CRACD: variants seen among roughly 807,000 people sequenced by gnomAD.
The protein encoded by CRACD is capping protein inhibiting regulator of actin dynamics.
Under a neutral mutation model 106.8 loss-of-function variants are expected in CRACD, and 56 were observed. The ratio of observed to expected loss-of-function variants is 0.52; its 90% CI spans 0.42 to 0.66. CRACD has a LOEUF of 0.66. Ranked by LOEUF, CRACD falls within the 30% of genes least tolerant of loss-of-function variation. The pLI is 0.00. For missense variants in CRACD, 1,730 were observed against 1,623.2 expected (o/e 1.07, Z -1.13); for synonymous variants, 754 against 670.8 (o/e 1.12, Z -1.92).
intron 1 of CRACD, among the ~76,000 whole-genome samples, chr4:56,140,958 T>C (rs1735174818): frequency 6.6e-6 from 1 of 152,158 alleles, no homozygotes; most frequent in African/African-American, 2.4e-5. Flanking sequence ...GATGAATGAA[T>C]GAGAGAATCA....
At chr4:56,295,650 A>T (rs949448831) in intron 3 of CRACD, among the ~76,000 whole-genome samples, 1 of 137,270 alleles carries the variant, frequency 7.3e-6, no homozygotes, top group East Asian at 2.3e-4. Context: ...AACTGTGAGA[A>T]ATTAGTAAAC....
chr4:56,182,901 G>A (rs369788114), intron 2 of CRACD, among the ~76,000 whole-genome samples: 1 of 140,804 alleles, frequency 7.1e-6, no homozygotes, highest in African/African-American at 2.6e-5. Flanking sequence ...GTGTGTGTGT[G>A]TATGGCTCCC....
chr4:56,069,712 G>T (rs1335826438), intron 1 of CRACD, among the ~76,000 whole-genome samples: 4 of 152,174 alleles, frequency 2.6e-5, no homozygotes, highest in Admixed American at 6.5e-5. Context: ...CCTTTGTCCT[G>T]TTAAAGAATG....
chr4:56,219,117 C>A (rs929151920), intron 2 of CRACD, among the ~76,000 whole-genome samples: 8 of 152,158 alleles, frequency 5.3e-5, no homozygotes, highest in African/African-American at 1.7e-4. Flanking sequence ...TCTTCCCCAA[C>A]CCCCAGTTCT....
At chr4:56,288,340 C>G in intron 3 of CRACD, 1 of 303,882 alleles carries the variant, frequency 3.3e-6, no homozygotes, top group Non-Finnish European at 6.5e-6. Flanking sequence ...ATCCAGTCAC[C>G]CAGATAGTGA....
intron 2 of CRACD, among the ~76,000 whole-genome samples, chr4:56,255,783 T>C (rs555043300): frequency 6.6e-6 from 1 of 152,232 alleles, no homozygotes; most frequent in African/African-American, 2.4e-5. Context: ...AAAAGCATCA[T>C]GTCTGGTGGC....
At chr4:56,306,601 A>G (rs571376658) in intron 4 of CRACD, among the ~76,000 whole-genome samples, 8 of 152,202 alleles carry the variant, frequency 5.3e-5, no homozygotes, top group Non-Finnish European at 8.8e-5. Context: ...TATGTAACCC[A>G]AGGACCTAGG....
At chr4:56,322,384 A>G (rs1746158070) in intron 8 of CRACD, among the ~76,000 whole-genome samples, 1 of 152,248 alleles carries the variant, frequency 6.6e-6, no homozygotes, top group Non-Finnish European at 1.5e-5. Context: ...TTTAGAGCCT[A>G]GTACTCAACC....
At chr4:56,290,841 G>T (rs1009343749) in intron 3 of CRACD, among the ~76,000 whole-genome samples, 9 of 152,164 alleles carry the variant, frequency 5.9e-5, no homozygotes, top group African/African-American at 2.2e-4. Context: ...GCCTCTGTAA[G>T]TCGGGGCTGT....
chr4:56,259,853 T>C (rs1458567129), intron 2 of CRACD, among the ~76,000 whole-genome samples: 3 of 152,086 alleles, frequency 2.0e-5, no homozygotes, highest in Non-Finnish European at 4.4e-5. Context: ...GGAAGTGAGG[T>C]AGAGCATGTC....
chr4:56,315,217 A>C lies in CRACD; in HGVS notation c.1715A>C (p.Glu572Ala). ...ACGGGGCTCACCGCTGCTCCCCAGG[A>C]ACCAAAGGCCCCCAAAGCCAGCCCA... ...KDTGLTAAPQEPKAPKASPVQ... is the reference protein window; with the variant it reads ...KDTGLTAAPQAPKAPKASPVQ... The change falls in exon 8 of 11, where the codon GAA becomes GCA. Residue 572 changes from glutamate (E) to alanine (A), a missense_variant. Physicochemically the swap from Glu to Ala is moderately radical, Grantham distance 107. Around this residue, in one of 5 missense-constraint regions of CRACD, gnomAD observed 1,620 missense variants for 1,481.6 expected, o/e 1.09. Transcript: ENST00000682029. The surrounding 1 kb of genome is among the most constrained non-coding windows in gnomAD (Gnocchi z 4.1). 6.3e-7 allele frequency: 1 copy of C among 1,594,820 alleles called. No homozygotes were observed. Among genetic ancestry groups the C allele is most frequent in the Non-Finnish European group, 8.5e-7 (1 of 1,170,680 alleles).
chr4:56,212,376 G>A (rs1028219056), intron 2 of CRACD, among the ~76,000 whole-genome samples: 25 of 152,158 alleles, frequency 1.6e-4, no homozygotes, highest in African/African-American at 4.1e-4. Flanking sequence ...AGAAATAACC[G>A]TAAAAATAGC....
intron 1 of CRACD, among the ~76,000 whole-genome samples, chr4:56,106,526 T>A (rs1479901584): frequency 6.6e-6 from 1 of 152,240 alleles, no homozygotes; most frequent in Non-Finnish European, 1.5e-5. Context: ...GCAAGATTGA[T>A]TTATTCTGCA....
intron 3 of CRACD, among the ~76,000 whole-genome samples, chr4:56,293,543 G>T (rs1743817759): frequency 6.6e-6 from 1 of 152,154 alleles, no homozygotes; most frequent in African/African-American, 2.4e-5. Flanking sequence ...GGTTTAATTG[G>T]CCGTGATCCT....
At position 56,314,482 on chromosome 4, in the gene CRACD, C is replaced by G. The variant is rs1460122685; in HGVS notation, c.980C>G (p.Ala327Gly). 73 of 1,526,762 alleles carry G rather than the reference C, an allele frequency of 4.8e-5. No individual in the cohort carries two copies. Among genetic ancestry groups the G allele is most frequent in the Non-Finnish European group, 6.1e-5 (69 of 1,138,118 alleles). 94.6% of individuals were successfully genotyped at this position (1,526,762 alleles called of 1,614,324 possible). ...GAGCGAAGGCGTCTGCAGGCCCAGG[C>G]CCAAGCGGAGGAGAGGCGGCGGCTG... is the stretch of plus-strand genomic sequence containing the variant. Reference protein sequence around the residue: ...EEERRRLQAQAQAEERRRLEE... With the variant: ...EEERRRLQAQGQAEERRRLEE... Residue 327 changes from alanine to glycine, a missense_variant, in exon 8 of 11, where the codon GCC becomes GGC. Physicochemically the swap from Ala to Gly is moderately conservative, Grantham distance 60. This residue lies in a region of CRACD where 1,620 missense variants were observed against 1,481.6 expected (regional missense o/e 1.09). Coordinates refer to ENST00000682029, the MANE Select transcript of CRACD (RefSeq NM_001393381.1). This position sits in a 1 kb window ranked among gnomAD's most constrained non-coding sequence, Gnocchi z 4.4.
intron 2 of CRACD, among the ~76,000 whole-genome samples, chr4:56,255,584 G>C (rs925613498): frequency 6.6e-6 from 1 of 152,146 alleles, no homozygotes; most frequent in Non-Finnish European, 1.5e-5. Context: ...GACCTGCTGA[G>C]AAGAAAGTAA....
At chr4:56,104,883 C>T (rs911144790) in intron 1 of CRACD, among the ~76,000 whole-genome samples, 2 of 149,986 alleles carry the variant, frequency 1.3e-5, no homozygotes, top group South Asian at 2.1e-4. Flanking sequence ...AGGAGAATGG[C>T]GTGAACCTGG....
chr4:56,090,142 T>C (rs1560447773), intron 1 of CRACD, among the ~76,000 whole-genome samples: 1 of 148,208 alleles, frequency 6.7e-6, no homozygotes, highest in Admixed American at 6.8e-5. Flanking sequence ...AACTTTATTT[T>C]CCTTTTTTTT....
At chr4:56,268,281 A>C (rs1359040082) in intron 2 of CRACD, among the ~76,000 whole-genome samples, 2 of 152,208 alleles carry the variant, frequency 1.3e-5, no homozygotes, top group Non-Finnish European at 2.9e-5. Context: ...TTTTTTTCTA[A>C]TCAATAAATT....
Sources: allele counts gnomAD v4.1 joint callset (sites outside exome capture counted in the v4.1 genomes callset), GRCh38; gene constraint gnomAD v4.1.1; regional missense constraint gnomAD v4.1.1; non-coding constraint Gnocchi (gnomAD v3.1); transcripts MANE v1.5; gene names NCBI Gene and HGNC (gene_info 2026-07-23, HGNC 2026-07-21).